The following COBL variants were observed in gnomAD, a reference collection of about 807,000 sequenced individuals.
COBL encodes the protein cordon-bleu WH2 repeat protein.
A neutral mutation model predicts 98.8 loss-of-function variants in COBL; 51 were observed. That is an observed-to-expected ratio of 0.52 (90% CI 0.41 to 0.65). The LOEUF is 0.65. Among genes scored for constraint, COBL ranks in the 30% least tolerant of loss-of-function variants. The pLI, the probability that COBL is intolerant of heterozygous loss-of-function variation, is 0.00. For missense variants in COBL, 1,617 were observed against 1,617.5 expected, an observed-to-expected ratio of 1.00 and a Z score of 0.01; for synonymous variants, 634 against 651.7, an observed-to-expected ratio of 0.97 and a Z score of 0.41.
At chr7:51,236,748 A>G (rs1370473610) in intron 1 of COBL, among the ~76,000 whole-genome samples, 4 of 152,190 alleles carry the variant, frequency 2.6e-5, no homozygotes, top group African/African-American at 9.6e-5. Context: ...TCCCAGGTGC[A>G]ATGCGTAGTA....
chr7:51,248,152 AAC>A (rs1198920325), intron 1 of COBL, among the ~76,000 whole-genome samples: 2 of 152,232 alleles, frequency 1.3e-5, no homozygotes, highest in African/African-American at 2.4e-5. Context: ...ACAGAATTGT[AAC>A]ACAGAGTCTA....
intron 6 of COBL, among the ~76,000 whole-genome samples, chr7:51,120,197 T>C (rs995429124): frequency 6.6e-6 from 1 of 152,126 alleles, no homozygotes; most frequent in Non-Finnish European, 1.5e-5. Context: ...CAAAACAGTG[T>C]TGTCAAATGG....
Position 51,029,403 on chromosome 7 carries a change from C to G in COBL, c.1693G>C (p.Gly565Arg). The G allele has an allele frequency of 1.9e-6, 3 of 1,613,970 alleles. No homozygotes were observed. Among genetic ancestry groups the G allele is most frequent in the Non-Finnish European group, 2.5e-6 (3 of 1,179,914 alleles). The stretch of plus-strand genomic sequence containing the variant: ...GCAACACCCTCCGAGTCGAAAGACC[C>G]AGCATTGTTGTTTCTATTGGAAAAC... ...GLFSNRNNNA[G>R]SFDSEGVASR... Residue 565 changes from glycine to arginine, a missense_variant, in exon 10 of 13, where the codon GGG becomes CGG. This residue lies in a region of COBL where 1,304 missense variants were observed against 1,282.0 expected (regional missense o/e 1.02). Transcript: ENST00000265136.
intron 7 of COBL, among the ~76,000 whole-genome samples, chr7:51,062,589 A>C (rs1385695380): frequency 6.6e-6 from 1 of 152,232 alleles, no homozygotes; most frequent in East Asian, 1.9e-4. Context: ...CACTGGCTGA[A>C]GCATTCCCAG....
rs560672515 is a variant in COBL, at chr7:51,152,956, C to A, written c.784-16625G>T. On this transcript the variant is annotated intron_variant, in intron 5 of 12. Transcript: ENST00000265136. Reference sequence around the variant, plus strand: ...ATCCTCTGAAAGAGCAAGCAATGAACTGAACCAAACCACAATCCTTTGTTA... The same window carrying A: ...ATCCTCTGAAAGAGCAAGCAATGAAATGAACCAAACCACAATCCTTTGTTA... Among the ~76,000 whole-genome samples, 113 of 152,356 alleles carry A rather than the reference C, an allele frequency of 7.4e-4. 2 individuals carry two copies. The South Asian group carries it at 0.023, about 31-fold the overall frequency.
chr7:51,231,476 C>G (rs1794746109), intron 1 of COBL, among the ~76,000 whole-genome samples: 1 of 152,206 alleles, frequency 6.6e-6, no homozygotes, highest in African/African-American at 2.4e-5. Flanking sequence ...GGGCCACAGA[C>G]ATGGAGCTGC....
intron 8 of COBL, among the ~76,000 whole-genome samples, chr7:51,041,528 G>A (rs1588300607): frequency 8.6e-6 from 1 of 116,840 alleles, no homozygotes; most frequent in South Asian, 2.9e-4. Context: ...CTGTCACCCA[G>A]GCAGGAATGC....
At chr7:51,139,142 A>C (rs371543313) in intron 5 of COBL, among the ~76,000 whole-genome samples, 1 of 152,346 alleles carries the variant, frequency 6.6e-6, no homozygotes, top group African/African-American at 2.4e-5. Flanking sequence ...TAAGGTAAGG[A>C]ATGGGAATAG....
At position 51,048,144 on chromosome 7, in the gene COBL, C is replaced by T. The variant is rs186680596; in HGVS notation, c.1097-4452G>A. ...TCACACCACTGCACTCCAGCCTGGGCGACAGAGCAAGACTCCATCTCAAAA... is the reference window on the plus strand; with the variant it reads ...TCACACCACTGCACTCCAGCCTGGGTGACAGAGCAAGACTCCATCTCAAAA... On this transcript the variant is annotated intron_variant, in intron 7 of 12. Transcript: ENST00000265136. Among the ~76,000 whole-genome samples the T allele has an allele frequency of 8.2e-3, 1,243 of 152,076 alleles. 20 individuals are homozygous for T. The highest frequency in any genetic ancestry group is 0.028 in the African/African-American group (1,171 of 41,470).
chr7:51,228,555 T>G (rs1794425264), intron 1 of COBL, among the ~76,000 whole-genome samples: 2 of 151,550 alleles, frequency 1.3e-5, no homozygotes, highest in Admixed American at 1.3e-4. Flanking sequence ...GACCTGGGGG[T>G]GGGGGAAGCT....
chr7:51,244,242 G>A (rs1019050885), intron 1 of COBL, among the ~76,000 whole-genome samples: 9 of 152,150 alleles, frequency 5.9e-5, no homozygotes, highest in African/African-American at 2.2e-4. Flanking sequence ...GCACTCCAAG[G>A]AGAATGTCTA....
In COBL at chr7:51,190,943, G is replaced by A. The variant is rs773688984; in HGVS notation, c.592C>T (p.Leu198Phe). The change falls in exon 4 of 13, where the codon CTC becomes TTC. Residue 198 changes from leucine to phenylalanine, a missense_variant. Physicochemically the swap from Leu to Phe is conservative, Grantham distance 22. Around this residue, in one of 3 missense-constraint regions of COBL, gnomAD observed 75 missense variants for 120.5 expected, o/e 0.62. Coordinates refer to ENST00000265136, the MANE Select transcript of COBL (RefSeq NM_015198.5). ...CEVSPEHVVL[L>F]RDNIAGEELE... ...TCCTCTCCGGCAATGTTGTCCCTGA[G>A]GAGAACCACGTGCTCTGGGCTGACC... 9 of 1,614,058 alleles carry A rather than the reference G, an allele frequency of 5.6e-6. No homozygotes were observed. The highest frequency in any genetic ancestry group is 7.6e-6 in the Non-Finnish European group (9 of 1,180,054).
At chr7:51,237,753 G>A (rs1385670033) in intron 1 of COBL, among the ~76,000 whole-genome samples, 1 of 152,146 alleles carries the variant, frequency 6.6e-6, no homozygotes, top group Non-Finnish European at 1.5e-5. Context: ...TCAGAAACAG[G>A]AACGTGTTCA....
At chr7:51,080,331 G>A (rs7803708) in intron 7 of COBL, among the ~76,000 whole-genome samples, 128,583 of 152,216 alleles carry the variant, frequency 0.84, 54,634 homozygotes, top group African/African-American at 0.89. Flanking sequence ...TCAAAAAAGT[G>A]TATTTCTCCT....
At chr7:51,230,544 CG>C (rs1307939874) in intron 1 of COBL, among the ~76,000 whole-genome samples, 1 of 152,162 alleles carries the variant, frequency 6.6e-6, no homozygotes, top group African/African-American at 2.4e-5. Context: ...CACTGCTGCT[CG>C]GGGCATTGTC....
chr7:51,277,671 C>G lies in COBL; in HGVS notation c.41+38922G>C, dbSNP rs73120023. On this transcript the variant is annotated intron_variant, in intron 1 of 12. Transcript: ENST00000265136. ...GGATGGACGGGCTGCTAGAGAGATACAAGGGTGGAATACTCTGCCCATTGT... is the reference window on the plus strand; with the variant it reads ...GGATGGACGGGCTGCTAGAGAGATAGAAGGGTGGAATACTCTGCCCATTGT... Among the ~76,000 whole-genome samples the G allele has an allele frequency of 7.8e-3, 1,187 of 152,120 alleles. 15 individuals are homozygous for G. The highest frequency in any genetic ancestry group is 0.012 in the Non-Finnish European group (830 of 68,002).
chr7:51,141,845 T>A (rs1433263735), intron 5 of COBL, among the ~76,000 whole-genome samples: 1 of 152,038 alleles, frequency 6.6e-6, no homozygotes, highest in Non-Finnish European at 1.5e-5. Context: ...GAGGTGAGAA[T>A]GGGGAGAATG....
rs1050336554 is a variant in COBL, at chr7:51,081,057, G to A, written c.1096+4109C>T. The stretch of plus-strand genomic sequence containing the variant: ...GCAACATAAAAGCTCCGAGATGCTT[G>A]AACATGTGGTGCGCTGGCAGCCAGG... On this transcript the variant is annotated intron_variant, in intron 7 of 12. Transcript: ENST00000265136. Among the ~76,000 whole-genome samples the A allele has an allele frequency of 3.9e-5, 6 of 152,338 alleles. No individual in the cohort carries two copies. In the East Asian group the frequency reaches 1.2e-3, roughly 29 times the overall value.
chr7:51,194,748 A>G (rs1227211995), intron 2 of COBL, among the ~76,000 whole-genome samples: 1 of 151,816 alleles, frequency 6.6e-6, no homozygotes, highest in African/African-American at 2.4e-5. Flanking sequence ...TGTTGGCCTC[A>G]TGTGTGTCTT....
Sources: allele counts gnomAD v4.1 joint callset (sites outside exome capture counted in the v4.1 genomes callset), GRCh38; gene constraint gnomAD v4.1.1; regional missense constraint gnomAD v4.1.1; transcripts MANE v1.5; gene names NCBI Gene and HGNC (gene_info 2026-07-23, HGNC 2026-07-21).